The following RNF180 variants were observed in gnomAD, a reference collection of about 807,000 sequenced individuals.
The protein encoded by RNF180 is E3 ubiquitin-protein ligase RNF180.
In RNF180, 38 loss-of-function variants were observed where a neutral mutation model predicts 59.2. The observed-to-expected ratio is 0.64, with a 90% CI of 0.50 to 0.84. The LOEUF (loss-of-function observed/expected upper bound fraction) is 0.84. Among genes scored for constraint, RNF180 ranks in the 40% least tolerant of loss-of-function variants. The probability of loss-of-function intolerance (pLI) is 0.00; values close to 1 mark genes in which losing one functional copy is unlikely to be tolerated. For missense variants in RNF180, 705 were observed against 700.9 expected, an observed-to-expected ratio of 1.01 and a Z score of -0.07; for synonymous variants, 262 against 240.3, an observed-to-expected ratio of 1.09 and a Z score of -0.84.
At chr5:64,228,687 C>A (rs1428640335) in intron 5 of RNF180, among the ~76,000 whole-genome samples, 1 of 151,922 alleles carries the variant, frequency 6.6e-6, no homozygotes, top group Non-Finnish European at 1.5e-5. Flanking sequence ...TTAAAAAAAT[C>A]ATTATAAGTC....
intron 1 of RNF180, among the ~76,000 whole-genome samples, chr5:64,187,414 A>T (rs1750925680): frequency 6.6e-6 from 1 of 152,192 alleles, no homozygotes; most frequent in Non-Finnish European, 1.5e-5. Context: ...TAGGAAAAAT[A>T]CTTATAGATG....
At chr5:64,315,112 T>C (rs1743971235) in intron 5 of RNF180, among the ~76,000 whole-genome samples, 1 of 152,240 alleles carries the variant, frequency 6.6e-6, no homozygotes, top group South Asian at 2.1e-4. Context: ...ATTATCTAAC[T>C]CTTCTAAATG....
Position 64,368,923 on chromosome 5 carries a change from C to G in RNF180, c.1580-692C>G, listed in dbSNP as rs528899265. ...GTGGCGAGTCCTCAGGGATCTGGAA[C>G]TAGAAATACCATTTGACCCAGCCAT... is the stretch of plus-strand genomic sequence containing the variant. On this transcript the variant is annotated intron_variant, in intron 7 of 7. Coordinates refer to ENST00000389100, the MANE Select transcript of RNF180 (RefSeq NM_001113561.2). Among the ~76,000 whole-genome samples the G allele has an allele frequency of 3.3e-5, 5 of 152,110 alleles. No individual in the cohort carries two copies. In the South Asian group the frequency reaches 1.0e-3, roughly 32 times the overall value.
chr5:64,292,946 C>A (rs932756654), intron 5 of RNF180, among the ~76,000 whole-genome samples: 2 of 152,238 alleles, frequency 1.3e-5, no homozygotes, highest in Non-Finnish European at 1.5e-5. Flanking sequence ...GGGCACTCTT[C>A]CTTGTCCAGA....
At chr5:64,257,937 G>T (rs1330036459) in intron 5 of RNF180, among the ~76,000 whole-genome samples, 1 of 152,202 alleles carries the variant, frequency 6.6e-6, no homozygotes, top group Non-Finnish European at 1.5e-5. Context: ...AAAGGACATA[G>T]TGCTTGCTGC....
chr5:64,217,796 A>T (rs1311580807), intron 5 of RNF180: 2 of 152,964 alleles, frequency 1.3e-5, no homozygotes, highest in Non-Finnish European at 2.9e-5. Context: ...CAAAAAAAAA[A>T]ATTAAAAAAA....
At chr5:64,174,109 C>T (rs985097834) in intron 1 of RNF180, among the ~76,000 whole-genome samples, 41 of 152,320 alleles carry the variant, frequency 2.7e-4, no homozygotes, top group African/African-American at 9.6e-4. Context: ...CCTCCAGACT[C>T]ATCCATGTTG....
chr5:64,286,766 T>C (rs1742312273), intron 5 of RNF180, among the ~76,000 whole-genome samples: 2 of 151,962 alleles, frequency 1.3e-5, no homozygotes, highest in Admixed American at 6.6e-5. Context: ...TGAATATGAA[T>C]TTCACAAGAA....
intron 5 of RNF180, among the ~76,000 whole-genome samples, chr5:64,312,902 C>T (rs1351640813): frequency 5.9e-5 from 9 of 152,138 alleles, no homozygotes; most frequent in South Asian, 2.1e-4. Flanking sequence ...TCATCTAATG[C>T]GCTGTAAATA....
intron 5 of RNF180, among the ~76,000 whole-genome samples, chr5:64,286,530 G>A (rs1179440557): frequency 6.6e-6 from 1 of 152,126 alleles, no homozygotes; most frequent in Non-Finnish European, 1.5e-5. Context: ...GAAGGCAGAA[G>A]AAGCAGTATT....
Position 64,214,073 on chromosome 5 carries a change from TAGTA to T in RNF180, c.750_753del (p.Ser250ArgfsTer8). The T allele has an allele frequency of 6.2e-7, 1 of 1,613,914 alleles. No homozygotes were observed. The highest frequency in any genetic ancestry group is 1.7e-4 in the Middle Eastern group (1 of 6,060). On this transcript the variant is annotated frameshift_variant, in exon 4 of 8. Transcript: ENST00000389100. LOFTEE classifies it high-confidence loss of function. ...TATTACCCACTTTATATGAAATACATAGTAAGACTACTGCCTATTCCAGACTAAA... is the reference window on the plus strand; with the variant it reads ...TATTACCCACTTTATATGAAATACATAGACTACTGCCTATTCCAGACTAAA...
rs1219402999 is a variant in RNF180 at position 64,371,150 on chromosome 5, G to A, written c.*1336G>A. ...GAATGGTACTGATTTCTATTCTAAT[G>A]CTGTTCTTATTATTGTGTTTTAAAT... On this transcript the variant is annotated 3_prime_UTR_variant, in exon 8 of 8. Coordinates refer to ENST00000389100, the MANE Select transcript of RNF180 (RefSeq NM_001113561.2). The A allele has an allele frequency of 2.0e-5, 3 of 151,530 alleles. No individual in the cohort carries two copies. Among genetic ancestry groups the A allele is most frequent in the Non-Finnish European group, 3.0e-5 (2 of 67,700 alleles). 9.4% of individuals were successfully genotyped at this position (151,530 alleles called of 1,614,324 possible).
chr5:64,219,488 T>G (rs1393498566), intron 5 of RNF180, among the ~76,000 whole-genome samples: 1 of 152,064 alleles, frequency 6.6e-6, no homozygotes, highest in Non-Finnish European at 1.5e-5. Flanking sequence ...AGTTGTCTTT[T>G]TTTTGTTTTC....
intron 5 of RNF180, among the ~76,000 whole-genome samples, chr5:64,282,126 C>A (rs1742044547): frequency 6.6e-6 from 1 of 152,004 alleles, no homozygotes; most frequent in Non-Finnish European, 1.5e-5. Flanking sequence ...AGTAATGGTA[C>A]CAGCTCCTCT....
chr5:64,200,820 A>C lies in RNF180; in HGVS notation c.13A>C (p.Lys5Gln), dbSNP rs1299036721. 1.9e-6 allele frequency: 3 copies of C among 1,612,448 alleles called. No individual in the cohort carries two copies. The highest frequency in any genetic ancestry group is 2.5e-6 in the Non-Finnish European group (3 of 1,178,924). Reference protein sequence around the residue: MKRSKELITKNHSQE... With the variant: MKRSQELITKNHSQE... ...AATGTTTCCGCAGATGAAAAGAAGC[A>C]AAGAATTGATAACTAAAAATCATAG... is the stretch of plus-strand genomic sequence containing the variant. The change falls in exon 2 of 8, where the codon AAA becomes CAA. Residue 5 changes from lysine to glutamine, a missense_variant. Transcript: ENST00000389100.
chr5:64,218,933 C>T (rs752006873), intron 5 of RNF180, among the ~76,000 whole-genome samples: 5 of 152,172 alleles, frequency 3.3e-5, no homozygotes, highest in Non-Finnish European at 4.4e-5. Flanking sequence ...ACATTCTTGA[C>T]GTTTCTTGTC....
intron 5 of RNF180, among the ~76,000 whole-genome samples, chr5:64,263,393 A>T (rs1175358478): frequency 6.6e-6 from 1 of 152,202 alleles, no homozygotes; most frequent in Non-Finnish European, 1.5e-5. Context: ...AGTTGGGAAG[A>T]GATGTGCACA....
intron 5 of RNF180, among the ~76,000 whole-genome samples, chr5:64,277,205 AAAG>A (rs1385002139): frequency 6.3e-4 from 96 of 151,810 alleles, no homozygotes; most frequent in Non-Finnish European, 1.1e-3. Flanking sequence ...AAAAAAAAAA[AAAG>A]AGACCGCAGA....
At chr5:64,232,693 G>T (rs531594681) in intron 5 of RNF180, among the ~76,000 whole-genome samples, 1 of 152,180 alleles carries the variant, frequency 6.6e-6, no homozygotes, top group African/African-American at 2.4e-5. Flanking sequence ...TTTTTACGTG[G>T]GAGTCAAAAG....
Sources: allele counts gnomAD v4.1 joint callset (sites outside exome capture counted in the v4.1 genomes callset), GRCh38; gene constraint gnomAD v4.1.1; transcripts MANE v1.5; gene names NCBI Gene and HGNC (gene_info 2026-07-23, HGNC 2026-07-21).